Variants in SERPINA9 observed in about 807,000 individuals in gnomAD.
SERPINA9 encodes the protein serpin A9.
A neutral mutation model predicts 24.5 loss-of-function variants in SERPINA9; 32 were observed. The ratio of observed to expected loss-of-function variants is 1.30; its 90% confidence interval spans 0.98 to 1.75. SERPINA9 has a LOEUF of 1.75. Among genes scored for constraint, SERPINA9 ranks in the 40% most tolerant of loss-of-function variants. The pLI is 0.00. For missense variants in SERPINA9, 594 were observed against 497.1 expected, an observed-to-expected ratio of 1.19 and a Z score of -1.85; for synonymous variants, 233 against 197.7, an observed-to-expected ratio of 1.18 and a Z score of -1.50.
chr14:94,472,296 C>T (rs1343291683), intron 1 of SERPINA9, among the ~76,000 whole-genome samples: 1 of 152,178 alleles, frequency 6.6e-6, no homozygotes, highest in East Asian at 1.9e-4. Flanking sequence ...ACAAATGCCC[C>T]TCCTGGATGC....
At chr14:94,465,567 G>A (rs572234197) in intron 3 of SERPINA9, among the ~76,000 whole-genome samples, 14 of 152,012 alleles carry the variant, frequency 9.2e-5, no homozygotes, top group East Asian at 3.9e-4. Context: ...TCACTCTGTC[G>A]CTCAGGCTGG....
chr14:94,475,773 C>G (rs557670669), intron 1 of SERPINA9, among the ~76,000 whole-genome samples: 2 of 152,294 alleles, frequency 1.3e-5, no homozygotes, highest in African/African-American at 4.8e-5. Flanking sequence ...TCAAGTCTTG[C>G]TCGTTAAGAC....
At position 94,476,120 on chromosome 14, in the gene SERPINA9, C is replaced by T. The variant is rs1424690929; in HGVS notation, c.-18+16G>A. 3 of 1,614,064 alleles carry T rather than the reference C, an allele frequency of 1.9e-6. No homozygotes were observed. Among genetic ancestry groups the T allele is most frequent in the Admixed American group, 1.7e-5 (1 of 60,012 alleles). Reference sequence around the variant, plus strand: ...ACACCACATTCCCGATCTCTCTGCACCTCCTCCTTACCCACCTTTGCAGGT... The same window carrying T: ...ACACCACATTCCCGATCTCTCTGCATCTCCTCCTTACCCACCTTTGCAGGT... On this transcript the variant is annotated intron_variant, in intron 1 of 4. Coordinates refer to ENST00000674397, the MANE Select transcript of SERPINA9 (RefSeq NM_175739.4).
chr14:94,463,386 G>A (rs1002489258), intron 4 of SERPINA9, 90 bp from the exon 5 acceptor site: 1 of 1,121,648 alleles, frequency 8.9e-7, no homozygotes, highest in African/African-American at 1.5e-5. Context: ...GCCCTGGAAT[G>A]GTGATGTCTA....
intron 1 of SERPINA9, among the ~76,000 whole-genome samples, chr14:94,475,488 C>G (rs559613162): frequency 1.3e-5 from 2 of 152,200 alleles, no homozygotes; most frequent in Admixed American, 1.3e-4. Context: ...TGCCTCCTAT[C>G]TCACATAAAA....
At chr14:94,467,004 C>T in intron 3 of SERPINA9, 105 bp downstream of exon 3, 3 of 1,300,854 alleles carry the variant, frequency 2.3e-6, no homozygotes, top group South Asian at 1.4e-5. Flanking sequence ...TTGGTGCTCA[C>T]TGTGCAGAAG....
rs1898803884 is a variant in SERPINA9 at position 94,462,874 on chromosome 14, G to T, written c.*219C>A. 3.7e-6 allele frequency: 2 copies of T among 541,458 alleles called. No individual in the cohort carries two copies. The highest frequency in any genetic ancestry group is 6.3e-5 in the East Asian group (2 of 31,684). The allele number at this position is 541,458 out of a possible 1,614,324, so 33.5% of individuals were successfully genotyped here. On this transcript the variant is annotated 3_prime_UTR_variant, in exon 5 of 5. Transcript: ENST00000674397. ...AACATCCCATGAAGCTAGTTACCTGGGAGAATTTGTGGAAAAGGGCACTGA... is the reference window on the plus strand; with the variant it reads ...AACATCCCATGAAGCTAGTTACCTGTGAGAATTTGTGGAAAAGGGCACTGA...
intron 2 of SERPINA9, 30 bp downstream of exon 2, chr14:94,469,183 T>G (rs1899166017): frequency 3.2e-6 from 5 of 1,571,948 alleles, no homozygotes; most frequent in Non-Finnish European, 4.3e-6. Context: ...ATAAAATAAA[T>G]AAATAAAAAT....
rs1454948384 is a variant in SERPINA9 at position 94,462,997 on chromosome 14, C to A, written c.*96G>T. ...ATCCCTGCCAGCGAATCCAGCTCCA[C>A]TGGGGTCAAATGCACCCTCAGAACA... On this transcript the variant is annotated 3_prime_UTR_variant, in exon 5 of 5. Transcript: ENST00000674397. 9.1e-7 allele frequency: 1 copy of A among 1,095,962 alleles called. No individual in the cohort carries two copies. Among genetic ancestry groups the A allele is most frequent in the Non-Finnish European group, 1.4e-6 (1 of 721,952 alleles). 67.9% of individuals were successfully genotyped at this position (1,095,962 alleles called of 1,614,324 possible). A position where few individuals can be genotyped will look rare whatever the true frequency, so the allele number is the denominator to read the frequency against.
rs748803342 is a variant in SERPINA9, at chr14:94,464,845, C to T, written c.912G>A (p.Glu304=). The change falls in exon 4 of 5, where the codon GAG becomes GAA. Residue 304 remains glutamate, a synonymous_variant. Transcript: ENST00000674397. ...WSHSLQKRWI[E]VFIPRFSISA... is the part of the protein sequence containing the mutation. The stretch of plus-strand genomic sequence containing the variant: ...AAATGGAAAATCTGGGGATGAACAC[C>T]TCTATCCACCTGTGGAGTAGGGAAA... 3.3e-5 allele frequency: 53 copies of T among 1,613,106 alleles called. No homozygotes were observed. In the Middle Eastern group the frequency reaches 6.6e-4, roughly 20 times the overall value.
chr14:94,475,791 C>G (rs1899599758), intron 1 of SERPINA9: 4 of 385,694 alleles, frequency 1.0e-5, no homozygotes, highest in East Asian at 4.4e-5. Flanking sequence ...GACAAAGAAA[C>G]CAACAACGAC....
rs773172843 is a variant in SERPINA9, at chr14:94,463,206, C to T, written c.1141G>A (p.Gly381Ser). Residue 381 changes from glycine to serine, a missense_variant, in exon 5 of 5, where the codon GGC (glycine) becomes AGC (serine). Transcript: ENST00000674397. ...AAGGAGACAGTGAAGTAAGAGGGGC[C>T]ATCCTTCGATCGGACTATGAACTTG... is the stretch of plus-strand genomic sequence containing the variant. Reference protein sequence around the residue: ...TTKFIVRSKDGPSYFTVSFNR... With the variant: ...TTKFIVRSKDSPSYFTVSFNR... 3 of 1,614,090 alleles carry T rather than the reference C, an allele frequency of 1.9e-6. No homozygotes were observed. The Admixed American group carries it at 5.0e-5, about 27-fold the overall frequency.
intron 4 of SERPINA9, chr14:94,464,295 CTCTCTCTCTCTCT>C (rs1898884480): frequency 2.8e-5 from 6 of 215,812 alleles, no homozygotes; most frequent in South Asian, 1.8e-4. Context: ...CTCTCTCTCT[CTCTCTCTCTCTCT>C]CTCTCTCTCT....
rs534902501 is a variant in SERPINA9 at position 94,462,910 on chromosome 14, T to C, written c.*183A>G. 2.1e-4 allele frequency: 125 copies of C among 593,474 alleles called. No homozygotes were observed. The African/African-American group carries it at 2.1e-3, about 10-fold the overall frequency. The allele number at this position is 593,474 out of a possible 1,614,324, so 36.8% of individuals were successfully genotyped here. Reference sequence around the variant, plus strand: ...GGAAAAGGGCACTGACTGGGGTTAATGGGTGTTGGCTTGTGACTGGGGTCC... The same window carrying C: ...GGAAAAGGGCACTGACTGGGGTTAACGGGTGTTGGCTTGTGACTGGGGTCC... On this transcript the variant is annotated 3_prime_UTR_variant, in exon 5 of 5. Coordinates refer to ENST00000674397, the MANE Select transcript of SERPINA9 (RefSeq NM_175739.4).
At chr14:94,473,482 G>GCACT (rs1230979086) in intron 1 of SERPINA9, among the ~76,000 whole-genome samples, 1 of 137,296 alleles carries the variant, frequency 7.3e-6, no homozygotes, top group Non-Finnish European at 1.5e-5. Context: ...TCAGGCCATT[G>GCACT]CACTCCAGCC....
chr14:94,464,307 C>T (rs1898887399), intron 4 of SERPINA9: 1 of 70,652 alleles, frequency 1.4e-5, no homozygotes, highest in Admixed American at 2.2e-4. Context: ...CTCTCTCTCT[C>T]TCTCTCTCTC....
intron 1 of SERPINA9, among the ~76,000 whole-genome samples, chr14:94,471,274 A>C (rs1445267810): frequency 1.3e-5 from 2 of 152,144 alleles, no homozygotes; most frequent in South Asian, 2.1e-4. Context: ...GACTTTACCC[A>C]CTGGAACAAG....
Position 94,469,534 on chromosome 14 carries a change from T to C in SERPINA9, c.307A>G (p.Thr103Ala), listed in dbSNP as rs1196518184. The C allele has an allele frequency of 1.2e-6, 2 of 1,613,908 alleles. No homozygotes were observed. The highest frequency in any genetic ancestry group is 2.7e-5 in the African/African-American group (2 of 74,870). ...TGGATGGCAGACTCTGGTGTGTGTG[T>C]GAGGTTGAAGCCCAGGCCCTGGAGA... ...QILQGLGFNL[T>A]HTPESAIHQG... is the part of the protein sequence containing the mutation. Residue 103 changes from threonine (T) to alanine (A), a missense_variant, in exon 2 of 5, where the codon ACA becomes GCA. Physicochemically the swap from Thr to Ala is moderately conservative, Grantham distance 58 (BLOSUM62 0). Transcript: ENST00000674397.
Position 94,462,957 on chromosome 14 carries a change from A to C in SERPINA9, c.*136T>G. The C allele has an allele frequency of 2.8e-6, 2 of 714,648 alleles. No individual in the cohort carries two copies. The highest frequency in any genetic ancestry group is 4.9e-6 in the Non-Finnish European group (2 of 411,418). 44.3% of individuals were successfully genotyped at this position (714,648 alleles called of 1,614,324 possible). On this transcript the variant is annotated 3_prime_UTR_variant, in exon 5 of 5. Coordinates refer to ENST00000674397, the MANE Select transcript of SERPINA9 (RefSeq NM_175739.4). ...GTCCCTGTTGATGGTTTGGTGATTG[A>C]GCCTTGGAAGTGGCATCCCTGCCAG... is the stretch of plus-strand genomic sequence containing the variant.
Sources: allele counts gnomAD v4.1 joint callset (sites outside exome capture counted in the v4.1 genomes callset), GRCh38; gene constraint gnomAD v4.1.1; transcripts MANE v1.5; gene names NCBI Gene and HGNC (gene_info 2026-07-23, HGNC 2026-07-21).